HOOK2: variants seen among roughly 807,000 people sequenced by gnomAD.
HOOK2 encodes hook microtubule tethering protein 2, also known as protein Hook homolog 2.
HOOK2 carries 108 observed loss-of-function variants against 111.9 expected under a neutral mutation model. That is an observed-to-expected ratio of 0.96 (90% CI 0.83 to 1.13). The LOEUF (loss-of-function observed/expected upper bound fraction) is 1.13. Among genes scored for constraint, HOOK2 ranks in the 50% most tolerant of loss-of-function variants. The pLI is 0.00. For missense variants in HOOK2, 978 were observed against 951.3 expected (o/e 1.03, Z -0.37); for synonymous variants, 405 against 394.3 (o/e 1.03, Z -0.32).
In HOOK2 at chr19:12,770,929, C is replaced by T. The variant is rs185577988; in HGVS notation, c.902+3G>A. On this transcript the variant is annotated splice_donor_region_variant and intron_variant, in intron 10 of 22. Coordinates refer to ENST00000397668, the MANE Select transcript of HOOK2 (RefSeq NM_013312.3). ...GATGGGGACCCAGGAACCCACCACT[C>T]ACCGTAGTTCATCCATCTCATCCTT... is the stretch of plus-strand genomic sequence containing the variant. 22 of 1,593,968 alleles carry T rather than the reference C, an allele frequency of 1.4e-5. No homozygotes were observed. Among genetic ancestry groups the T allele is most frequent in the Admixed American group, 6.7e-5 (4 of 59,410 alleles).
chr19:12,770,558 T>C (rs146085932), intron 10 of HOOK2, among the ~76,000 whole-genome samples: 9 of 151,726 alleles, frequency 5.9e-5, no homozygotes, highest in South Asian at 4.2e-4. Flanking sequence ...AGTAATTGCA[T>C]TGTGGAGTCC....
At chr19:12,771,578 C>T (rs1968329248) in intron 7 of HOOK2, 101 bp from the exon 8 acceptor site, 1 of 1,014,378 alleles carries the variant, frequency 9.9e-7, no homozygotes, top group Non-Finnish European at 1.5e-6. Context: ...CCAAGAAACC[C>T]TCAGGATTGA....
intron 14 of HOOK2, 120 bp from the exon 15 acceptor site, chr19:12,766,360 T>G: frequency 1.6e-6 from 2 of 1,282,978 alleles, no homozygotes; most frequent in Non-Finnish European, 2.1e-6. Context: ...AGCCAGACCA[T>G]GGGGTTGGAG....
chr19:12,780,869 T>C (rs1358329587), upstream of HOOK2, among the ~76,000 whole-genome samples: 1 of 138,540 alleles, frequency 7.2e-6, no homozygotes, highest in Non-Finnish European at 1.6e-5. Flanking sequence ...TCCCAGCTAC[T>C]GGGGAGGCTG....
chr19:12,766,169 TGCCGCTCCCGGTCG>T lies in HOOK2; in HGVS notation c.1431_1444del (p.Asp478GlyfsTer50). 1 of 1,598,910 alleles carries T rather than the reference TGCCGCTCCCGGTCG, an allele frequency of 6.3e-7. No individual in the cohort carries two copies. The highest frequency in any genetic ancestry group is 8.5e-7 in the Non-Finnish European group (1 of 1,178,646). Reference sequence around the variant, plus strand: ...CTCCAGGTGGCGCTGCAGCTCCTCCTGCCGCTCCCGGTCGGCCGCCTCCTGCCTGCACAGCCGCT... The same window carrying T: ...CTCCAGGTGGCGCTGCAGCTCCTCCTGCCGCCTCCTGCCTGCACAGCCGCT... On this transcript the variant is annotated frameshift_variant, in exon 15 of 23. Transcript: ENST00000397668. LOFTEE classifies it high-confidence loss of function.
chr19:12,785,537 G>A (rs1262312939), intron 3 of HOOK2, among the ~76,000 whole-genome samples: 3 of 151,862 alleles, frequency 2.0e-5, no homozygotes, highest in East Asian at 1.9e-4. Context: ...CAACCTACAC[G>A]TACATACATC....
Position 12,764,899 on chromosome 19 carries a change from T to A in HOOK2, c.1742A>T (p.Glu581Val). ...CTTCTTCTGCAAGTTATGCTGCAGC[T>A]CCTCGATCCGCCGGGCTGCTGGCGG... is the stretch of plus-strand genomic sequence containing the variant. ...TDSSTARRIE[E>V]LQHNLQKKDA... Residue 581 changes from glutamate (E) to valine (V), a missense_variant, in exon 20 of 23, where the codon GAG (glutamate) becomes GTG (valine). Physicochemically the swap from Glu to Val is moderately radical, Grantham distance 121. Coordinates refer to ENST00000397668, the MANE Select transcript of HOOK2 (RefSeq NM_013312.3). 1 of 1,614,160 alleles carries A rather than the reference T, an allele frequency of 6.2e-7. No homozygotes were observed. The highest frequency in any genetic ancestry group is 8.5e-7 in the Non-Finnish European group (1 of 1,180,030).
In HOOK2 at chr19:12,784,167, G is replaced by A. The variant is rs367716489; in HGVS notation, n.42-9942C>T. Among the ~76,000 whole-genome samples the A allele has an allele frequency of 1.5e-4, 23 of 152,280 alleles. No homozygotes were observed. The East Asian group carries it at 4.2e-3, about 28-fold the overall frequency. On this transcript the variant is annotated intron_variant and non_coding_transcript_variant, in intron 3 of 3. Coordinates refer to the HOOK2 transcript ENST00000589765. ...GGAGGGTCAGCCCCTCCCGGGGCAGGGCAGACATTGACTGGGGGCAGAGTA... is the reference window on the plus strand; with the variant it reads ...GGAGGGTCAGCCCCTCCCGGGGCAGAGCAGACATTGACTGGGGGCAGAGTA...
chr19:12,778,948 G>C (rs1968568764), upstream of HOOK2, among the ~76,000 whole-genome samples: 1 of 152,202 alleles, frequency 6.6e-6, no homozygotes, highest in Non-Finnish European at 1.5e-5. Context: ...AACACAGGGA[G>C]CCCCGCTGTG....
intron 13 of HOOK2, 49 bp from the exon 14 acceptor site, chr19:12,767,513 C>T (rs778570101): frequency 5.3e-5 from 78 of 1,464,872 alleles, no homozygotes; most frequent in Non-Finnish European, 6.9e-5. Flanking sequence ...CCCCTGTCCC[C>T]GCCCCTAGGG....
At position 12,775,454 on chromosome 19, in the gene HOOK2, C is replaced by G. The variant is rs1454074816; in HGVS notation, c.-5G>C. 4.3e-6 allele frequency: 7 copies of G among 1,611,664 alleles called. No homozygotes were observed. The highest frequency in any genetic ancestry group is 5.9e-6 in the Non-Finnish European group (7 of 1,179,276). On this transcript the variant is annotated 5_prime_UTR_variant, in exon 1 of 23. Coordinates refer to ENST00000397668, the MANE Select transcript of HOOK2 (RefSeq NM_013312.3). ...CTCAGCTTTGTCCACGCTCATGGCT[C>G]CCGATCGGATTCAATCCAGGCCACG... is the stretch of plus-strand genomic sequence containing the variant.
upstream of HOOK2, among the ~76,000 whole-genome samples, chr19:12,780,094 G>A (rs945729953): frequency 3.9e-5 from 6 of 152,158 alleles, no homozygotes; most frequent in Non-Finnish European, 5.9e-5. Context: ...AGATTGCAGT[G>A]AGCCGAGAAC....
chr19:12,775,478 CG>C lies in HOOK2; in HGVS notation c.-30del. 1.3e-6 allele frequency: 2 copies of C among 1,599,296 alleles called. No individual in the cohort carries two copies. The highest frequency in any genetic ancestry group is 1.7e-5 in the Admixed American group (1 of 58,828). On this transcript the variant is annotated 5_prime_UTR_variant, in exon 1 of 23. Coordinates refer to ENST00000397668, the MANE Select transcript of HOOK2 (RefSeq NM_013312.3). ...TCCCGATCGGATTCAATCCAGGCCA[CG>C]GAGCCCCGGCGCCGCAGCAGCCTCC...
At chr19:12,764,006 TTTTAC>T (rs1968074701) in intron 20 of HOOK2, among the ~76,000 whole-genome samples, 1 of 152,066 alleles carries the variant, frequency 6.6e-6, no homozygotes, top group South Asian at 2.1e-4. Flanking sequence ...AGTACTTTAT[TTTTAC>T]TTTATTTTTA....
At chr19:12,770,884 G>A in intron 10 of HOOK2, 48 bp downstream of exon 10, 1 of 1,558,146 alleles carries the variant, frequency 6.4e-7, no homozygotes, top group Non-Finnish European at 8.7e-7. Flanking sequence ...CTGGAAACAG[G>A]TTTACCCCCC....
At position 12,769,905 on chromosome 19, in the gene HOOK2, G is replaced by A. The variant is rs749214474; in HGVS notation, c.1080C>T (p.Ala360=). The change falls in exon 11 of 23, where the codon GCC becomes GCT. Residue 360 remains alanine (A), a synonymous_variant. Coordinates refer to ENST00000397668, the MANE Select transcript of HOOK2 (RefSeq NM_013312.3). ...CCTGCCGCCGCTGCGCCTCCAGCTG[G>A]GCGCGCAGGGAGCCCGCTCGGCGTA... is the stretch of plus-strand genomic sequence containing the variant. The part of the protein sequence containing the change: ...DELRRAGSLR[A]QLEAQRRQVQ... 1.8e-5 allele frequency: 27 copies of A among 1,510,358 alleles called. No individual in the cohort carries two copies. The African/African-American group carries it at 3.5e-4, about 19-fold the overall frequency. The allele number at this position is 1,510,358 out of a possible 1,614,324, so 93.6% of individuals were successfully genotyped here.
chr19:12,772,431 T>C (rs1400733136), intron 6 of HOOK2, among the ~76,000 whole-genome samples, 179 bp from the exon 7 acceptor site: 1 of 152,198 alleles, frequency 6.6e-6, no homozygotes, highest in Non-Finnish European at 1.5e-5. Context: ...CCCTTGAGCC[T>C]GCTAGATTGC....
Position 12,763,367 on chromosome 19 carries a change from G to A in HOOK2, c.2075C>T (p.Ala692Val). The A allele has an allele frequency of 1.2e-6, 2 of 1,614,192 alleles. No individual in the cohort carries two copies. The highest frequency in any genetic ancestry group is 1.7e-6 in the Non-Finnish European group (2 of 1,180,044). ...AGAATTGGTTGCCAGCCGCTGCTGT[G>A]CCAGGAATGACTGGGCATGGGCAGG... ...RAPAHAQSFL[A>V]QQRLATNSRR... The change falls in exon 23 of 23, where the codon GCA becomes GTA. Residue 692 changes from alanine (A) to valine (V), a missense_variant. By Grantham distance (64) the Ala-to-Val change is moderately conservative. Coordinates refer to ENST00000397668, the MANE Select transcript of HOOK2 (RefSeq NM_013312.3).
rs1368783363 is a variant in HOOK2 at position 12,765,070 on chromosome 19, T to A, written c.1652A>T (p.His551Leu). 6 of 1,614,060 alleles carry A rather than the reference T, an allele frequency of 3.7e-6. No individual in the cohort carries two copies. The highest frequency in any genetic ancestry group is 5.1e-6 in the Non-Finnish European group (6 of 1,180,020). ...CCTCTGCAACTCCAGATCTGCCTCA[T>A]GAAGCTTCTGCCTGTGGGCCGGGGA... is the stretch of plus-strand genomic sequence containing the variant. ...RKLEEHLQKL[H>L]EADLELQRKR... The change falls in exon 19 of 23, where the codon CAT (histidine) becomes CTT (leucine). Residue 551 changes from histidine to leucine, a missense_variant. Around this residue, in one of 5 missense-constraint regions of HOOK2, gnomAD observed 277 missense variants for 265.8 expected, o/e 1.04. Coordinates refer to ENST00000397668, the MANE Select transcript of HOOK2 (RefSeq NM_013312.3).
Sources: allele counts gnomAD v4.1 joint callset (sites outside exome capture counted in the v4.1 genomes callset), GRCh38; gene constraint gnomAD v4.1.1; regional missense constraint gnomAD v4.1.1; transcripts MANE v1.5; gene names NCBI Gene and HGNC (gene_info 2026-07-23, HGNC 2026-07-21).